PLOD2: variants seen among roughly 807,000 people sequenced by gnomAD.
PLOD2 encodes lysine hydroxylase 2.
In PLOD2, 65 loss-of-function variants were observed where a neutral mutation model predicts 101.0. That is an observed-to-expected ratio of 0.64 (90% CI 0.53 to 0.79). The LOEUF is 0.79. Ranked by LOEUF, PLOD2 falls within the 30% of genes least tolerant of loss-of-function variation. The pLI, the probability that PLOD2 is intolerant of heterozygous loss-of-function variation, is 0.00. For missense variants in PLOD2, 909 were observed against 914.6 expected (o/e 0.99, Z 0.08); for synonymous variants, 314 against 302.9 (o/e 1.04, Z -0.38).
At chr3:146,108,957 T>C (rs1462858393) in intron 4 of PLOD2, among the ~76,000 whole-genome samples, 1 of 152,194 alleles carries the variant, frequency 6.6e-6, no homozygotes, top group African/African-American at 2.4e-5. Flanking sequence ...ATTAGCCATA[T>C]ATTACTGAGG....
At chr3:146,141,311 C>G (rs2031510372) in intron 1 of PLOD2, among the ~76,000 whole-genome samples, 1 of 152,058 alleles carries the variant, frequency 6.6e-6, no homozygotes, top group Non-Finnish European at 1.5e-5. Flanking sequence ...TTGCAGTTTA[C>G]TTAAACTGCA....
chr3:146,154,700 A>T (rs1449603734), intron 1 of PLOD2, among the ~76,000 whole-genome samples: 4 of 152,216 alleles, frequency 2.6e-5, no homozygotes, highest in African/African-American at 7.2e-5. Context: ...TAAGAAATAA[A>T]TTCAAGAAAG....
intron 7 of PLOD2, among the ~76,000 whole-genome samples, chr3:146,096,025 T>C (rs1937143796): frequency 1.4e-5 from 2 of 146,868 alleles, no homozygotes; most frequent in Admixed American, 6.7e-5. Context: ...TGCCTGCGAT[T>C]GCAGGCGCGC....
intron 14 of PLOD2, 25 bp downstream of exon 14, chr3:146,077,833 AAAAT>A (rs557582589): frequency 9.7e-5 from 134 of 1,383,344 alleles, no homozygotes; most frequent in Middle Eastern, 9.5e-4. Context: ...TAAATAAACA[AAAAT>A]AAATAAAATA....
chr3:146,111,077 A>G (rs1233781739), intron 3 of PLOD2, among the ~76,000 whole-genome samples: 1 of 152,154 alleles, frequency 6.6e-6, no homozygotes, highest in Non-Finnish European at 1.5e-5. Context: ...TAATTAATAT[A>G]ATATAATTTC....
At chr3:146,141,220 T>C (rs1380887098) in intron 1 of PLOD2, among the ~76,000 whole-genome samples, 1 of 152,092 alleles carries the variant, frequency 6.6e-6, no homozygotes, top group Non-Finnish European at 1.5e-5. Context: ...TTAACTACAT[T>C]ACAATTTAAA....
intron 1 of PLOD2, among the ~76,000 whole-genome samples, chr3:146,150,447 C>T (rs890240065): frequency 3.3e-5 from 5 of 151,830 alleles, no homozygotes; most frequent in Non-Finnish European, 5.9e-5. Context: ...GAGCTGGAGG[C>T]TATTATCCTT....
chr3:146,144,186 A>C (rs187768340), intron 1 of PLOD2, among the ~76,000 whole-genome samples: 1 of 152,244 alleles, frequency 6.6e-6, no homozygotes, highest in East Asian at 1.9e-4. Context: ...ATACCTTCCC[A>C]ATACATTTGT....
At chr3:146,097,209 A>G (rs1244238539) in intron 7 of PLOD2, among the ~76,000 whole-genome samples, 37 of 132,672 alleles carry the variant, frequency 2.8e-4, no homozygotes, top group East Asian at 1.0e-3. Flanking sequence ...CAGCCGCCCC[A>G]TCCGGGAGGT....
chr3:146,111,845 ATT>A (rs11360876), intron 3 of PLOD2, among the ~76,000 whole-genome samples: 14 of 150,414 alleles, frequency 9.3e-5, no homozygotes, highest in Admixed American at 2.6e-4. Flanking sequence ...GTTGTTGATA[ATT>A]TTTTTTTTTA....
At chr3:146,090,484 A>C (rs1198678538) in intron 8 of PLOD2, among the ~76,000 whole-genome samples, 3 of 151,668 alleles carry the variant, frequency 2.0e-5, no homozygotes, top group Non-Finnish European at 4.4e-5. Flanking sequence ...AAAGGAAACG[A>C]AACAGATAAA....
rs765125138 is a variant in PLOD2, at chr3:146,071,165, T to C, written c.1998A>G (p.Gly666=). 6.2e-7 allele frequency: 1 copy of C among 1,611,012 alleles called. No individual in the cohort carries two copies. Among genetic ancestry groups the C allele is most frequent in the African/African-American group, 1.3e-5 (1 of 74,702 alleles). ...TTACTACAAAATTCAGTAGTGCAAATCCCTGAAAAAGCAAAGTAAGCCAGT... is the reference window on the plus strand; with the variant it reads ...TTACTACAAAATTCAGTAGTGCAAACCCCTGAAAAAGCAAAGTAAGCCAGT... ...LKVFAGYYTK[G]FALLNFVVKY... is the part of the protein sequence containing the mutation. The change falls in exon 19 of 20, where the codon GGA becomes GGG. Residue 666 remains glycine (G), a splice_region_variant and synonymous_variant. Coordinates refer to ENST00000282903, the MANE Select transcript of PLOD2 (RefSeq NM_182943.3).
At chr3:146,078,073 T>C (rs1018128612) in intron 13 of PLOD2, 149 bp from the exon 14 acceptor site, 7 of 681,234 alleles carry the variant, frequency 1.0e-5, no homozygotes, top group African/African-American at 3.6e-5. Context: ...GCAAAGCTTA[T>C]AGCACACACA....
In PLOD2 at chr3:146,080,282, A is replaced by G. The variant is rs143268926; in HGVS notation, c.1359-1025T>C. ...TATAATAAAGTTTAATTTATACATAAAGTACAGTAAGACTAACAACAATAA... is the reference window on the plus strand; with the variant it reads ...TATAATAAAGTTTAATTTATACATAGAGTACAGTAAGACTAACAACAATAA... On this transcript the variant is annotated intron_variant, in intron 12 of 19. Coordinates refer to ENST00000282903, the MANE Select transcript of PLOD2 (RefSeq NM_182943.3). Among the ~76,000 whole-genome samples, 8 of 151,402 alleles carry G rather than the reference A, an allele frequency of 5.3e-5. No individual in the cohort carries two copies. In the East Asian group the frequency reaches 1.5e-3, roughly 29 times the overall value.
chr3:146,117,903 C>T (rs753083477), intron 3 of PLOD2, among the ~76,000 whole-genome samples: 2 of 151,870 alleles, frequency 1.3e-5, no homozygotes, highest in African/African-American at 4.8e-5. Context: ...CCTCACTATA[C>T]CAGTTGTCCA....
chr3:146,119,050 C>A (rs1040557542), intron 3 of PLOD2, among the ~76,000 whole-genome samples: 4 of 152,138 alleles, frequency 2.6e-5, no homozygotes, highest in Admixed American at 6.6e-5. Context: ...CATGTTGAAA[C>A]GTAACCCTCA....
rs3059069 is a variant in PLOD2 at position 146,103,826 on chromosome 3, TACACACACAC to T, written c.679+443_679+452del. 6.0e-3 allele frequency among the ~76,000 whole-genome samples: 872 copies of T among 146,214 alleles called. 2 individuals carry two copies. The highest frequency in any genetic ancestry group is 0.014 in the Middle Eastern group (4 of 292). On this transcript the variant is annotated intron_variant, in intron 6 of 19. Transcript: ENST00000282903. ...ACATATGCATATCCACACGAGCATG[TACACACACAC>T]ACACACACACACACACACACACACA...
chr3:146,071,575 C>G (rs1171769887), intron 17 of PLOD2, 152 bp from the exon 18 acceptor site: 1 of 737,698 alleles, frequency 1.4e-6, no homozygotes, highest in African/African-American at 1.8e-5. Context: ...GTAAAATTAT[C>G]AAAATAACTT....
At position 146,096,326 on chromosome 3, in the gene PLOD2, C is replaced by T. The variant is rs971212093; in HGVS notation, c.778-4425G>A. Among the ~76,000 whole-genome samples, 34 of 86,496 alleles carry T rather than the reference C, an allele frequency of 3.9e-4. 2 individuals carry two copies. In the South Asian group the frequency reaches 0.014, roughly 35 times the overall value. 56.7% of individuals were successfully genotyped at this position (86,496 alleles called of 152,430 possible). On this transcript the variant is annotated intron_variant, in intron 7 of 19. Transcript: ENST00000282903. ...GCCACCCCGTCTGGGAAGTGAGGAG[C>T]GTCTCTGCTTGGCCACCCATCGTCT...
Sources: allele counts gnomAD v4.1 joint callset (sites outside exome capture counted in the v4.1 genomes callset), GRCh38; gene constraint gnomAD v4.1.1; transcripts MANE v1.5; gene names NCBI Gene and HGNC (gene_info 2026-07-23, HGNC 2026-07-21).